The following MOCOS variants were observed in gnomAD, a reference collection of about 807,000 sequenced individuals.
The protein encoded by MOCOS is molybdenum cofactor sulfurase.
MOCOS carries 86 observed loss-of-function variants against 83.6 expected under a neutral mutation model. That is an observed-to-expected ratio of 1.03 (90% CI 0.86 to 1.23). The LOEUF (loss-of-function observed/expected upper bound fraction) is 1.23. MOCOS is among the 50% of genes most tolerant of loss of function. The pLI, the probability that MOCOS is intolerant of heterozygous loss-of-function variation, is 0.00. For missense variants in MOCOS, 1,120 were observed against 1,126.9 expected (o/e 0.99, Z 0.09); for synonymous variants, 445 against 434.7 (o/e 1.02, Z -0.29).
intron 8 of MOCOS, 109 bp downstream of exon 8, chr18:36,216,086 TGTG>T (rs2091475714): frequency 8.3e-7 from 1 of 1,205,678 alleles, no homozygotes; most frequent in Admixed American, 2.1e-5. Flanking sequence ...ATCAGAGTGT[TGTG>T]GTGAGAAAAG....
intron 9 of MOCOS, among the ~76,000 whole-genome samples, chr18:36,231,186 A>AT (rs1459572749): frequency 2.6e-5 from 4 of 152,036 alleles, no homozygotes; most frequent in South Asian, 2.1e-4. Flanking sequence ...TGTTTATCAT[A>AT]TTTTTTCCCA....
chr18:36,248,259 C>A (rs2091609654), intron 9 of MOCOS, among the ~76,000 whole-genome samples: 1 of 152,050 alleles, frequency 6.6e-6, no homozygotes, highest in African/African-American at 2.4e-5. Flanking sequence ...CAAGAAATAT[C>A]TATTCAGATT....
At position 36,198,618 on chromosome 18, in the gene MOCOS, T is replaced by C. The variant is rs1598870843; in HGVS notation, c.233-72T>C. The C allele has an allele frequency of 2.8e-5, 41 of 1,455,168 alleles. No individual in the cohort carries two copies. The East Asian group carries it at 3.2e-4, about 11-fold the overall frequency. 90.1% of individuals were successfully genotyped at this position (1,455,168 alleles called of 1,614,324 possible). A position where few individuals can be genotyped will look rare whatever the true frequency, so the allele number is the denominator to read the frequency against. ...TGAGCTTTTTGAGAAACTGAGGGAG[T>C]GGATTCAGAAGGAACACAAAAGAAG... is the stretch of plus-strand genomic sequence containing the variant. On this transcript the variant is annotated intron_variant, in intron 2 of 14. Transcript: ENST00000261326.
intron 11 of MOCOS, among the ~76,000 whole-genome samples, chr18:36,256,670 G>A (rs554402059): frequency 1.3e-5 from 2 of 152,018 alleles, no homozygotes; most frequent in South Asian, 2.1e-4. Context: ...GGCTGGTGTC[G>A]AATTCCTGGC....
At position 36,211,193 on chromosome 18, in the gene MOCOS, G is replaced by A. The variant is rs545816087; in HGVS notation, c.1219-2173G>A. The stretch of plus-strand genomic sequence containing the variant: ...GGTGGCCTTCGGAAACATCAGCTGG[G>A]TTTGGCTGTCTCTTTTTCATCAGGG... On this transcript the variant is annotated intron_variant, in intron 6 of 14. Coordinates refer to ENST00000261326, the MANE Select transcript of MOCOS (RefSeq NM_017947.4). Among the ~76,000 whole-genome samples, 6 of 152,312 alleles carry A rather than the reference G, an allele frequency of 3.9e-5. No homozygotes were observed. The South Asian group carries it at 6.2e-4, about 16-fold the overall frequency.
In MOCOS at chr18:36,268,855, T is replaced by C; in HGVS notation, c.*170T>C. On this transcript the variant is annotated 3_prime_UTR_variant, in exon 15 of 15. Transcript: ENST00000261326. The stretch of plus-strand genomic sequence containing the variant: ...TGCCTTTGACTTCTCACCCTGCAAA[T>C]TTGCACTGGCTGTGCTCAGGAGAGC... 1.5e-6 allele frequency: 1 copy of C among 653,174 alleles called. No individual in the cohort carries two copies. Among genetic ancestry groups the C allele is most frequent in the Non-Finnish European group, 2.6e-6 (1 of 379,072 alleles). The allele number at this position is 653,174 out of a possible 1,614,324, so 40.5% of individuals were successfully genotyped here.
chr18:36,222,583 A>AT (rs796627171), intron 9 of MOCOS, among the ~76,000 whole-genome samples: 1,643 of 140,390 alleles, frequency 0.012, 23 homozygotes, highest in South Asian at 0.062. Context: ...TCTTGAACCC[A>AT]TTTTTTTTTT....
intron 1 of MOCOS, among the ~76,000 whole-genome samples, chr18:36,194,448 A>T (rs1455032266): frequency 6.6e-6 from 1 of 152,176 alleles, no homozygotes; most frequent in Non-Finnish European, 1.5e-5. Context: ...AAGCGCATTG[A>T]TGGATATTTA....
At chr18:36,206,196 G>C (rs2091434131) in intron 6 of MOCOS, among the ~76,000 whole-genome samples, 1 of 151,824 alleles carries the variant, frequency 6.6e-6, no homozygotes, top group Non-Finnish European at 1.5e-5. Context: ...AAGAGAGAGG[G>C]TGAGGGAGGT....
At chr18:36,206,690 C>T (rs1198759539) in intron 6 of MOCOS, among the ~76,000 whole-genome samples, 1 of 152,138 alleles carries the variant, frequency 6.6e-6, no homozygotes. Flanking sequence ...TCTTTGTGTC[C>T]ATGTGTACTC....
chr18:36,204,903 G>T (rs1375974872), intron 5 of MOCOS, among the ~76,000 whole-genome samples, 174 bp from the exon 6 acceptor site: 10 of 142,964 alleles, frequency 7.0e-5, no homozygotes, highest in Non-Finnish European at 1.4e-4. Flanking sequence ...TGAGGTGAGA[G>T]GATCACCTGA....
chr18:36,219,193 A>ATT (rs200647128), intron 8 of MOCOS, among the ~76,000 whole-genome samples: 2 of 56,966 alleles, frequency 3.5e-5, no homozygotes, highest in African/African-American at 8.7e-5. Flanking sequence ...ATTTTATTTT[A>ATT]TTTTTTTTTT....
chr18:36,251,491 T>C (rs1306220377), intron 11 of MOCOS, among the ~76,000 whole-genome samples: 1 of 152,082 alleles, frequency 6.6e-6, no homozygotes, highest in Non-Finnish European at 1.5e-5. Flanking sequence ...GAGGAGGGCA[T>C]AAAGCCAGCT....
At chr18:36,265,670 T>C (rs1195170828) in intron 13 of MOCOS, among the ~76,000 whole-genome samples, 1 of 152,174 alleles carries the variant, frequency 6.6e-6, no homozygotes, top group Non-Finnish European at 1.5e-5. Context: ...CAGTATGACC[T>C]GTATTAAGAA....
intron 4 of MOCOS, among the ~76,000 whole-genome samples, chr18:36,201,106 G>A (rs1196827155): frequency 1.3e-5 from 2 of 152,194 alleles, no homozygotes; most frequent in Non-Finnish European, 2.9e-5. Flanking sequence ...TCAACAGTGG[G>A]GACACAGGGT....
chr18:36,235,291 C>A (rs1168732511), intron 9 of MOCOS, among the ~76,000 whole-genome samples: 1 of 116,892 alleles, frequency 8.6e-6, no homozygotes, highest in South Asian at 3.5e-4. Flanking sequence ...CCTCCCCCCA[C>A]CCACAACAGT....
chr18:36,196,831 G>A (rs1471521584), intron 2 of MOCOS, among the ~76,000 whole-genome samples: 1 of 151,988 alleles, frequency 6.6e-6, no homozygotes, highest in East Asian at 1.9e-4. Context: ...TGTGGAAACA[G>A]AACATATGGT....
chr18:36,268,744 G>A lies in MOCOS; in HGVS notation c.*59G>A. The A allele has an allele frequency of 7.1e-7, 1 of 1,418,040 alleles. No individual in the cohort carries two copies. Among genetic ancestry groups the A allele is most frequent in the Non-Finnish European group, 9.9e-7 (1 of 1,006,012 alleles). 87.8% of individuals were successfully genotyped at this position (1,418,040 alleles called of 1,614,324 possible). Reference sequence around the variant, plus strand: ...GTGATCTCTATTATTGTTAAGATCTGCAACTTGGTTCAGTAGAACTTGATG... The same window carrying A: ...GTGATCTCTATTATTGTTAAGATCTACAACTTGGTTCAGTAGAACTTGATG... On this transcript the variant is annotated 3_prime_UTR_variant, in exon 15 of 15. Coordinates refer to ENST00000261326, the MANE Select transcript of MOCOS (RefSeq NM_017947.4).
At chr18:36,220,873 G>A (rs1026445112) in intron 9 of MOCOS, among the ~76,000 whole-genome samples, 1 of 151,572 alleles carries the variant, frequency 6.6e-6, no homozygotes, top group African/African-American at 2.4e-5. Context: ...AGGCTGCAGT[G>A]AGCCCAGATC....
Sources: allele counts gnomAD v4.1 joint callset (sites outside exome capture counted in the v4.1 genomes callset), GRCh38; gene constraint gnomAD v4.1.1; transcripts MANE v1.5; gene names NCBI Gene and HGNC (gene_info 2026-07-23, HGNC 2026-07-21).